The following HECW2 variants were observed in gnomAD, a reference collection of about 807,000 sequenced individuals.
HECW2 encodes HECT, C2 and WW domain containing E3 ubiquitin protein ligase 2.
Under a neutral mutation model 175.2 loss-of-function variants are expected in HECW2, and 61 were observed. The observed-to-expected ratio is 0.35, with a 90% CI of 0.28 to 0.43. The LOEUF (loss-of-function observed/expected upper bound fraction) is 0.43, where lower values mean the gene tolerates loss of function less well. Ranked by LOEUF, HECW2 falls within the 20% of genes least tolerant of loss-of-function variation. HECW2 has a pLI of 1.00. For synonymous variants in HECW2, 671 were observed against 731.0 expected (o/e 0.92, Z 1.32); for missense variants, 1,524 against 2,000.5 (o/e 0.76, Z 4.54).
At chr2:196,318,514 C>T (rs377701669) in intron 9 of HECW2, 38 bp downstream of exon 9, 384 of 1,448,550 alleles carry the variant, frequency 2.7e-4, no homozygotes, top group African/African-American at 1.0e-3. Context: ...TGCACAGCTA[C>T]GCTCGAGCCA....
chr2:196,473,976 T>TTGC, intron 1 of HECW2, among the ~76,000 whole-genome samples: 1 of 152,342 alleles, frequency 6.6e-6, no homozygotes, highest in Non-Finnish European at 1.5e-5. Flanking sequence ...CGAGAATTTT[T>TTGC]CTAGAACCAA....
rs1168384494 is a variant in HECW2 at position 196,322,501 on chromosome 2, C to T, written c.861G>A (p.Arg287=). ...FLGKLTIPVQ[R]LLERQAIGDQ... is the part of the protein sequence containing the mutation. The stretch of plus-strand genomic sequence containing the variant: ...ACCCGATGGCTTGTCGCTCCAGCAG[C>T]CTCTGGACTGGAATGGTTAGTTTCC... The change falls in exon 7 of 29, where the codon AGG becomes AGA. Residue 287 remains arginine, a synonymous_variant. Coordinates refer to ENST00000644978, the MANE Select transcript of HECW2 (RefSeq NM_001348768.2). 1.2e-6 allele frequency: 2 copies of T among 1,613,932 alleles called. No individual in the cohort carries two copies. Among genetic ancestry groups the T allele is most frequent in the Non-Finnish European group, 1.7e-6 (2 of 1,179,920 alleles).
rs1692482693 is a variant in HECW2, at chr2:196,334,576, C to CATGGAGGAAACA, written c.401-59_401-58insTGTTTCCTCCAT. On this transcript the variant is annotated intron_variant, in intron 3 of 28. Transcript: ENST00000644978. Reference sequence around the variant, plus strand: ...ACAGTGAAACAAGTCATGGAGGAATCAGCTGTGGAAATCCACCATACCACC... The same window carrying CATGGAGGAAACA: ...ACAGTGAAACAAGTCATGGAGGAATCATGGAGGAAACAAGCTGTGGAAATCCACCATACCACC... 4 of 1,380,640 alleles carry CATGGAGGAAACA rather than the reference C, an allele frequency of 2.9e-6. No individual in the cohort carries two copies. The African/African-American group carries it at 5.7e-5, about 20-fold the overall frequency. The allele number at this position is 1,380,640 out of a possible 1,614,324, so 85.5% of individuals were successfully genotyped here. A position where few individuals can be genotyped will look rare whatever the true frequency, so the allele number is the denominator to read the frequency against.
intron 2 of HECW2, among the ~76,000 whole-genome samples, chr2:196,366,190 G>A (rs1342631092): frequency 6.6e-6 from 1 of 152,222 alleles, no homozygotes; most frequent in Non-Finnish European, 1.5e-5. Flanking sequence ...GAAATGTGCA[G>A]AGGGAGATTT....
intron 2 of HECW2, among the ~76,000 whole-genome samples, chr2:196,362,699 T>C (rs758150225): frequency 9.2e-5 from 14 of 152,324 alleles, no homozygotes; most frequent in Middle Eastern, 6.8e-3. Flanking sequence ...TGAAAACAGA[T>C]AGAATCATCA....
At chr2:196,294,491 C>G (rs1690732636) in intron 13 of HECW2, among the ~76,000 whole-genome samples, 1 of 152,012 alleles carries the variant, frequency 6.6e-6, no homozygotes, top group Non-Finnish European at 1.5e-5. Context: ...CGTATGGGTT[C>G]TGTTATCTAT....
chr2:196,300,620 TTTTACTA>T (rs1419581310), intron 13 of HECW2, among the ~76,000 whole-genome samples: 14 of 152,342 alleles, frequency 9.2e-5, no homozygotes, highest in African/African-American at 3.4e-4. Context: ...TCAGTGTCTC[TTTTACTA>T]TTATTTGTAA....
chr2:196,207,024 C>A (rs1281860441), intron 28 of HECW2, among the ~76,000 whole-genome samples: 7 of 152,194 alleles, frequency 4.6e-5, no homozygotes, highest in African/African-American at 1.7e-4. Flanking sequence ...ATGTTCCCAG[C>A]AGATGGAACA....
chr2:196,372,825 ACT>A (rs1487399348), intron 2 of HECW2, among the ~76,000 whole-genome samples: 4 of 152,050 alleles, frequency 2.6e-5, no homozygotes, highest in South Asian at 2.1e-4. Flanking sequence ...ATGACTAAGA[ACT>A]CTCTGACAGC....
At chr2:196,276,596 G>A (rs758286940) in intron 15 of HECW2, among the ~76,000 whole-genome samples, 4 of 152,100 alleles carry the variant, frequency 2.6e-5, no homozygotes, top group Non-Finnish European at 4.4e-5. Context: ...GCTACACATC[G>A]CACACAAGGT....
chr2:196,253,863 A>C, intron 19 of HECW2, 57 bp downstream of exon 19: 16 of 1,512,564 alleles, frequency 1.1e-5, no homozygotes, highest in Non-Finnish European at 1.5e-5. Context: ...AGGATAGAAC[A>C]TCTGGCTTGA....
intron 28 of HECW2, among the ~76,000 whole-genome samples, chr2:196,205,404 C>T (rs1043214841): frequency 1.3e-5 from 2 of 152,090 alleles, no homozygotes; most frequent in South Asian, 2.1e-4. Flanking sequence ...CCTCTGACTA[C>T]GAACTATTAT....
intron 1 of HECW2, among the ~76,000 whole-genome samples, chr2:196,485,087 G>C (rs892379935): frequency 1.3e-5 from 2 of 152,162 alleles, no homozygotes; most frequent in African/African-American, 4.8e-5. Flanking sequence ...TTACTGAGAG[G>C]AGGAAAAGTC....
chr2:196,572,511 T>C (rs1690422768), intron 1 of HECW2, among the ~76,000 whole-genome samples: 1 of 152,168 alleles, frequency 6.6e-6, no homozygotes, highest in Non-Finnish European at 1.5e-5. Flanking sequence ...GAAAGAGTTC[T>C]AGAGATTGGT....
At chr2:196,361,103 G>C (rs1198878837) in intron 2 of HECW2, among the ~76,000 whole-genome samples, 3 of 152,160 alleles carry the variant, frequency 2.0e-5, no homozygotes, top group Admixed American at 2.0e-4. Context: ...AAACTAACTT[G>C]TAAGGAATTA....
chr2:196,381,851 T>G (rs1467801452), intron 2 of HECW2, among the ~76,000 whole-genome samples: 1 of 152,158 alleles, frequency 6.6e-6, no homozygotes, highest in Non-Finnish European at 1.5e-5. Flanking sequence ...AACGTAATAT[T>G]AAGCAAGACA....
In HECW2 at chr2:196,318,817, A is replaced by G. The variant is rs769662793; in HGVS notation, c.2073T>C (p.Ser691=). ...ATTCCTGCGACCCTTCGGCAGGGCC[A>G]CTGCTGGTGGGCTCTGCTGCACAGG... ...DGACAAEPTS[S]GPAEGSQESV... Residue 691 remains serine (S), a synonymous_variant, in exon 9 of 29, where the codon AGT becomes AGC. Coordinates refer to ENST00000644978, the MANE Select transcript of HECW2 (RefSeq NM_001348768.2). 2.0e-6 allele frequency: 3 copies of G among 1,532,130 alleles called. No individual in the cohort carries two copies. Among genetic ancestry groups the G allele is most frequent in the Non-Finnish European group, 2.6e-6 (3 of 1,138,710 alleles). The allele number at this position is 1,532,130 out of a possible 1,614,324, so 94.9% of individuals were successfully genotyped here. A position where few individuals can be genotyped will look rare whatever the true frequency, so the allele number is the denominator to read the frequency against.
intron 19 of HECW2, among the ~76,000 whole-genome samples, chr2:196,245,651 T>G (rs2105893737): frequency 6.6e-6 from 1 of 152,186 alleles, no homozygotes; most frequent in East Asian, 1.9e-4. Flanking sequence ...TGCATAGAGG[T>G]GAATACTAAA....
intron 1 of HECW2, among the ~76,000 whole-genome samples, chr2:196,551,045 A>T (rs1689589296): frequency 6.6e-6 from 1 of 152,256 alleles, no homozygotes; most frequent in Non-Finnish European, 1.5e-5. Flanking sequence ...TCCAATTAGG[A>T]TGAAATCTAA....
Sources: allele counts gnomAD v4.1 joint callset (sites outside exome capture counted in the v4.1 genomes callset), GRCh38; gene constraint gnomAD v4.1.1; transcripts MANE v1.5; gene names NCBI Gene and HGNC (gene_info 2026-07-23, HGNC 2026-07-21).